SPAG16: variants seen among roughly 807,000 people sequenced by gnomAD.
SPAG16 encodes the protein sperm associated antigen 16, also known as sperm-associated antigen 16 protein.
SPAG16 carries 86 observed loss-of-function variants against 80.4 expected under a neutral mutation model. The ratio of observed to expected loss-of-function variants is 1.07; its 90% CI spans 0.90 to 1.28. The LOEUF is 1.28. Ranked by LOEUF, SPAG16 falls within the 50% of genes most tolerant of loss-of-function variation. The probability of loss-of-function intolerance (pLI) is 0.00; values close to 1 mark genes in which losing one functional copy is unlikely to be tolerated. For missense variants in SPAG16, 870 were observed against 765.3 expected (o/e 1.14, Z -1.61); for synonymous variants, 294 against 265.9 (o/e 1.11, Z -1.03).
intron 10 of SPAG16, among the ~76,000 whole-genome samples, chr2:213,520,467 A>G (rs993083576): frequency 1.3e-5 from 2 of 151,650 alleles, no homozygotes; most frequent in Non-Finnish European, 2.9e-5. Flanking sequence ...GGTGGTGGGC[A>G]CCTGTAGTCC....
chr2:213,863,733 A>G (rs1272986122), intron 11 of SPAG16, among the ~76,000 whole-genome samples: 6 of 152,106 alleles, frequency 3.9e-5, no homozygotes, highest in African/African-American at 1.4e-4. Flanking sequence ...GGGCATACTA[A>G]TCAGATTTTG....
At chr2:214,324,004 A>ATCTT (rs1395758463) in intron 15 of SPAG16, among the ~76,000 whole-genome samples, 3 of 152,254 alleles carry the variant, frequency 2.0e-5, no homozygotes, top group Non-Finnish European at 2.9e-5. Context: ...AAAAGGTCTG[A>ATCTT]TCTTTAGTAA....
chr2:214,214,583 TA>T (rs2058381290), intron 15 of SPAG16, among the ~76,000 whole-genome samples: 1 of 152,154 alleles, frequency 6.6e-6, no homozygotes, highest in Non-Finnish European at 1.5e-5. Context: ...TTCTTATAAA[TA>T]TCAGTTGAGT....
At chr2:213,733,937 A>G (rs2067175481) in intron 10 of SPAG16, among the ~76,000 whole-genome samples, 1 of 152,128 alleles carries the variant, frequency 6.6e-6, no homozygotes. Flanking sequence ...AGCCACTTTT[A>G]TATTCCTTTT....
chr2:213,762,441 CTA>C (rs2068716213), intron 10 of SPAG16, among the ~76,000 whole-genome samples: 1 of 152,004 alleles, frequency 6.6e-6, no homozygotes, highest in Non-Finnish European at 1.5e-5. Context: ...ATAAAGACAG[CTA>C]TATAAACCAA....
chr2:214,033,140 A>G (rs1483167003), intron 13 of SPAG16, among the ~76,000 whole-genome samples: 2 of 152,236 alleles, frequency 1.3e-5, no homozygotes, highest in East Asian at 3.8e-4. Flanking sequence ...AATAATGTGT[A>G]ATAACTAATA....
intron 15 of SPAG16, among the ~76,000 whole-genome samples, chr2:214,320,621 CCTT>C (rs1179136792): frequency 2.0e-5 from 3 of 152,196 alleles, no homozygotes; most frequent in Admixed American, 2.0e-4. Context: ...AAGCAAGACA[CCTT>C]CTTCACAGTG....
At chr2:214,041,987 T>TATATATATAC (rs1305454362) in intron 13 of SPAG16, among the ~76,000 whole-genome samples, 1 of 119,804 alleles carries the variant, frequency 8.3e-6, no homozygotes, top group Non-Finnish European at 1.7e-5. Context: ...TGTATATATA[T>TATATATATAC]ATATATATAT....
chr2:213,705,432 G>GT (rs566792586), intron 10 of SPAG16, among the ~76,000 whole-genome samples: 74 of 151,890 alleles, frequency 4.9e-4, no homozygotes, highest in Non-Finnish European at 4.6e-4. Context: ...TGCTAAAGTG[G>GT]TTTTTTTGTT....
chr2:213,773,128 GTTC>G lies in SPAG16; in HGVS notation c.1071-89354_1071-89352del, dbSNP rs370880438. On this transcript the variant is annotated intron_variant, in intron 10 of 15. Coordinates refer to ENST00000331683, the MANE Select transcript of SPAG16 (RefSeq NM_024532.5). ...TATCATTTGGTTTATCCCTTTTAGAGTTCTTTTTATCATTTTTTTAATTTAGTG... is the reference window on the plus strand; with the variant it reads ...TATCATTTGGTTTATCCCTTTTAGAGTTTTTATCATTTTTTTAATTTAGTG... 2.5e-4 allele frequency among the ~76,000 whole-genome samples: 38 copies of G among 151,492 alleles called. No individual in the cohort carries two copies. In the East Asian group the frequency reaches 6.8e-3, roughly 27 times the overall value.
intron 9 of SPAG16, among the ~76,000 whole-genome samples, chr2:213,452,604 A>AT (rs2071765559): frequency 1.3e-5 from 2 of 152,204 alleles, no homozygotes; most frequent in African/African-American, 4.8e-5. Context: ...AAATATAACT[A>AT]TTTTTATGTC....
chr2:214,263,587 T>C (rs1691335388), intron 15 of SPAG16, among the ~76,000 whole-genome samples: 1 of 152,172 alleles, frequency 6.6e-6, no homozygotes, highest in African/African-American at 2.4e-5. Context: ...AGCTATGGAA[T>C]AGATCAGAAT....
At chr2:214,077,571 C>G (rs565866616) in intron 13 of SPAG16, among the ~76,000 whole-genome samples, 76 of 152,332 alleles carry the variant, frequency 5.0e-4, no homozygotes, top group African/African-American at 1.8e-3. Context: ...GTGCTGAGTT[C>G]TCCCCTCCCC....
chr2:214,226,204 G>A (rs1283526321), intron 15 of SPAG16, among the ~76,000 whole-genome samples: 1 of 152,022 alleles, frequency 6.6e-6, no homozygotes, highest in Non-Finnish European at 1.5e-5. Flanking sequence ...AGGTTGGTAG[G>A]GGCTAGCCCG....
intron 12 of SPAG16, among the ~76,000 whole-genome samples, chr2:213,998,238 G>C (rs2046620268): frequency 6.6e-6 from 1 of 152,140 alleles, no homozygotes; most frequent in South Asian, 2.1e-4. Context: ...GTTTGGCTTT[G>C]TGTCCCCACC....
chr2:213,394,158 C>T (rs2067916439), intron 9 of SPAG16, among the ~76,000 whole-genome samples: 1 of 152,066 alleles, frequency 6.6e-6, no homozygotes, highest in African/African-American at 2.4e-5. Context: ...ATCTCAAGAT[C>T]AGAGTACTAT....
chr2:213,678,131 A>G (rs2064189040), intron 10 of SPAG16, among the ~76,000 whole-genome samples: 1 of 152,160 alleles, frequency 6.6e-6, no homozygotes, highest in Non-Finnish European at 1.5e-5. Flanking sequence ...GTGTAGAGGG[A>G]AATTTATAGC....
chr2:214,020,846 T>TA (rs1419607910), intron 13 of SPAG16, among the ~76,000 whole-genome samples: 1 of 152,208 alleles, frequency 6.6e-6, no homozygotes, highest in Non-Finnish European at 1.5e-5. Context: ...TTTTTCTACA[T>TA]GTCTTAAAGG....
chr2:213,905,898 C>T (rs2077410466), intron 11 of SPAG16, among the ~76,000 whole-genome samples: 1 of 152,088 alleles, frequency 6.6e-6, no homozygotes, highest in African/African-American at 2.4e-5. Flanking sequence ...GAGAATGTGC[C>T]TAGATGTTCT....
Sources: gnomAD v4.1 joint callset for allele counts (sites outside exome capture counted in the v4.1 genomes callset) on GRCh38, gnomAD v4.1.1 for gene constraint, MANE v1.5 for transcripts, NCBI Gene and HGNC (gene_info 2026-07-23, HGNC 2026-07-21) for gene names.